Variants in CDC42 observed in about 807,000 individuals in gnomAD.
CDC42 encodes the protein cell division control protein 42 homolog.
In CDC42, 1 loss-of-function variant was observed where a neutral mutation model predicts 20.8. That is an observed-to-expected ratio of 0.05 (90% CI 0.02 to 0.23). The LOEUF (loss-of-function observed/expected upper bound fraction) is 0.23, where lower values mean the gene tolerates loss of function less well. Ranked by LOEUF, CDC42 falls within the 10% of genes least tolerant of loss-of-function variation. The pLI is 1.00. For missense variants in CDC42, 49 were observed against 227.9 expected (o/e 0.21, Z 5.05); for synonymous variants, 72 against 84.8 (o/e 0.85, Z 0.83).
chr1:22,076,649 T>A (rs1288982266), intron 1 of CDC42, among the ~76,000 whole-genome samples: 1 of 152,218 alleles, frequency 6.6e-6, no homozygotes, highest in African/African-American at 2.4e-5. Flanking sequence ...GAACAGTACA[T>A]AGCACTTAGT....
At chr1:22,090,506 G>A (rs1161013330) in intron 5 of CDC42, 4 of 986,996 alleles carry the variant, frequency 4.1e-6, no homozygotes, top group Non-Finnish European at 4.8e-6. Context: ...TTCTTTTCTG[G>A]TTTTCCTTTG....
rs1645741239 is a variant in CDC42, at chr1:22,094,294, A to ATTTTTTCTTTTTTT, written c.*2783_*2784insCTTTTTTTTTTTTT. On this transcript the variant is annotated 3_prime_UTR_variant, in exon 6 of 6. Coordinates refer to ENST00000656825, the MANE Select transcript of CDC42 (RefSeq NM_001791.4). ...GTTTTACTGAACATCCTAGAAATAG[A>ATTTTTTCTTTTTTT]TTTTTTTTTTTTTTTTTTTTTGAGA... Among the ~76,000 whole-genome samples the ATTTTTTCTTTTTTT allele has an allele frequency of 2.6e-5, 1 of 38,292 alleles. No individual in the cohort carries two copies. Among genetic ancestry groups the ATTTTTTCTTTTTTT allele is most frequent in the Non-Finnish European group, 4.2e-5 (1 of 23,610 alleles). 25.1% of individuals were successfully genotyped at this position (38,292 alleles called of 152,430 possible).
intron 5 of CDC42, chr1:22,090,553 C>T: frequency 6.1e-6 from 6 of 987,626 alleles, no homozygotes; most frequent in Non-Finnish European, 7.2e-6. Flanking sequence ...CTTTGGCTGT[C>T]TGTGCTGTAG....
At position 22,099,996 on chromosome 1, in the gene CDC42, G is replaced by C. The variant is rs1645779946; in HGVS notation, c.*8479G>C. Among the ~76,000 whole-genome samples the C allele has an allele frequency of 6.6e-6, 1 of 150,920 alleles. No homozygotes were observed. The highest frequency in any genetic ancestry group is 1.5e-5 in the Non-Finnish European group (1 of 67,790). ...GCAGTCTGTCTCTAGAGTCTGCTCA[G>C]CTGGCCTTTTTTTCTTTCTTCTTCT... On this transcript the variant is annotated 3_prime_UTR_variant, in exon 6 of 6. Transcript: ENST00000656825.
At position 22,098,608 on chromosome 1, in the gene CDC42, A is replaced by C. The variant is rs1458616550; in HGVS notation, c.*7091A>C. Among the ~76,000 whole-genome samples the C allele has an allele frequency of 1.3e-5, 2 of 152,222 alleles. No individual in the cohort carries two copies. Among genetic ancestry groups the C allele is most frequent in the East Asian group, 3.8e-4 (2 of 5,200 alleles). On this transcript the variant is annotated 3_prime_UTR_variant, in exon 6 of 6. Coordinates refer to ENST00000656825, the MANE Select transcript of CDC42 (RefSeq NM_001791.4). ...GGATCTGAGCACCATTTAAATTTTT[A>C]TAAATTATTTTTTAGAGGCATCACT...
chr1:22,098,989 G>A lies in CDC42; in HGVS notation c.*7472G>A, dbSNP rs1432202761. Among the ~76,000 whole-genome samples, 2 of 152,166 alleles carry A rather than the reference G, an allele frequency of 1.3e-5. No individual in the cohort carries two copies. Among genetic ancestry groups the A allele is most frequent in the Non-Finnish European group, 2.9e-5 (2 of 68,044 alleles). On this transcript the variant is annotated 3_prime_UTR_variant, in exon 6 of 6. Transcript: ENST00000656825. ...ACCCAGGCTGGTCTCGAACTCCTGA[G>A]CTGATCCTCCCACCTCGGCCTCCCA...
intron 1 of CDC42, chr1:22,068,900 A>G (rs1274646911): frequency 1.3e-5 from 2 of 152,194 alleles, no homozygotes; most frequent in Non-Finnish European, 1.5e-5. Flanking sequence ...AGAAAGTTAC[A>G]TGTAAGGATG....
In CDC42 at chr1:22,086,955, G is replaced by A. The variant is rs1169485196; in HGVS notation, c.486+89G>A. On this transcript the variant is annotated intron_variant, in intron 5 of 5. Transcript: ENST00000656825. ...CAGGAGTTATTTCTAACAGTGATCA[G>A]CAGTGCTCAAAGATGCCCAGCAAGA... The A allele has an allele frequency of 4.6e-6, 5 of 1,090,690 alleles. No homozygotes were observed. In the African/African-American group the frequency reaches 6.2e-5, roughly 14 times the overall value. The allele number at this position is 1,090,690 out of a possible 1,614,324, so 67.6% of individuals were successfully genotyped here. A position where few individuals can be genotyped will look rare whatever the true frequency, so the allele number is the denominator to read the frequency against.
At chr1:22,058,784 C>T (rs981176299) in intron 1 of CDC42, among the ~76,000 whole-genome samples, 1 of 152,086 alleles carries the variant, frequency 6.6e-6, no homozygotes, top group African/African-American at 2.4e-5. Flanking sequence ...CAGGCGTGAA[C>T]CACCGCACCC....
rs1041061998 is a variant in CDC42 at position 22,098,563 on chromosome 1, G to A, written c.*7046G>A. On this transcript the variant is annotated 3_prime_UTR_variant, in exon 6 of 6. Transcript: ENST00000656825. ...TTTAAAAAAGGAAAGCAGTGCTTAG[G>A]GCCATATTGTTTTGAAATAGGATCT... is the stretch of plus-strand genomic sequence containing the variant. Among the ~76,000 whole-genome samples the A allele has an allele frequency of 2.6e-5, 4 of 151,994 alleles. No homozygotes were observed. Among genetic ancestry groups the A allele is most frequent in the African/African-American group, 9.7e-5 (4 of 41,370 alleles).
rs16826593 is a variant in CDC42, at chr1:22,099,138, C to T, written c.*7621C>T. On this transcript the variant is annotated 3_prime_UTR_variant, in exon 6 of 6. Transcript: ENST00000656825. Reference sequence around the variant, plus strand: ...AGTGGCTGGGGGCCCTGCTTCACCACGGCATAGGGACGGGTGCAGTAGGAA... The same window carrying T: ...AGTGGCTGGGGGCCCTGCTTCACCATGGCATAGGGACGGGTGCAGTAGGAA... 2.3e-3 allele frequency among the ~76,000 whole-genome samples: 347 copies of T among 152,282 alleles called. 8 individuals carry two copies. In the East Asian group the frequency reaches 0.055, roughly 24 times the overall value.
In CDC42 at chr1:22,096,935, A is replaced by T. The variant is rs1336110223; in HGVS notation, c.*5418A>T. On this transcript the variant is annotated 3_prime_UTR_variant, in exon 6 of 6. Transcript: ENST00000656825. ...AGTGCACAACTTGGACAGTTCATACACAATGTTGTATTGAGATGATTGTTA... is the reference window on the plus strand; with the variant it reads ...AGTGCACAACTTGGACAGTTCATACTCAATGTTGTATTGAGATGATTGTTA... 6.6e-6 allele frequency among the ~76,000 whole-genome samples: 1 copy of T among 152,256 alleles called. No homozygotes were observed. Among genetic ancestry groups the T allele is most frequent in the Non-Finnish European group, 1.5e-5 (1 of 68,044 alleles).
intron 3 of CDC42, among the ~76,000 whole-genome samples, chr1:22,082,034 A>G (rs2056975): frequency 0.94 from 142,298 of 152,190 alleles, 66,569 homozygotes; most frequent in East Asian, 1. Context: ...GAGTGAGACT[A>G]GAGTGCATCA....
chr1:22,090,602 G>A lies in CDC42; in HGVS notation c.487-826G>A, dbSNP rs141852820. 48 of 985,648 alleles carry A rather than the reference G, an allele frequency of 4.9e-5. No individual in the cohort carries two copies. In the East Asian group the frequency reaches 4.8e-3, roughly 98 times the overall value. The allele number at this position is 985,648 out of a possible 1,614,324, so 61.1% of individuals were successfully genotyped here. ...AGTCTGGGGTGGGGAAGATATTGAT[G>A]TATCTGCTACTGCTTTATGAGTTCA... On this transcript the variant is annotated intron_variant, in intron 5 of 5. Transcript: ENST00000656825.
rs1404151427 is a variant in CDC42, at chr1:22,086,743, T to C, written c.363T>C (p.Asp121=). The change falls in exon 5 of 6, where the codon GAT becomes GAC. Residue 121 remains aspartate, a synonymous_variant. Coordinates refer to ENST00000656825, the MANE Select transcript of CDC42 (RefSeq NM_001791.4). Reference sequence around the variant, plus strand: ...TTGGGACTCAAATTGATCTCAGAGATGACCCCTCTACTATTGAGAAACTTG... The same window carrying C: ...TTGGGACTCAAATTGATCTCAGAGACGACCCCTCTACTATTGAGAAACTTG... ...LLVGTQIDLR[D]DPSTIEKLAK... is the part of the protein sequence containing the mutation. 1.9e-6 allele frequency: 3 copies of C among 1,614,108 alleles called. No homozygotes were observed.
intron 1 of CDC42, among the ~76,000 whole-genome samples, chr1:22,066,871 T>C (rs1045441451): frequency 1.3e-5 from 2 of 152,118 alleles, no homozygotes; most frequent in Non-Finnish European, 2.9e-5. Flanking sequence ...TGAGACCAGC[T>C]TGACCAACAT....
intron 1 of CDC42, among the ~76,000 whole-genome samples, chr1:22,057,863 A>C (rs1001893434): frequency 2.0e-5 from 3 of 151,324 alleles, no homozygotes; most frequent in Non-Finnish European, 4.4e-5. Flanking sequence ...AGCTGGGATT[A>C]CAGGTGTCCG....
chr1:22,065,323 G>T (rs1337055571), intron 1 of CDC42, among the ~76,000 whole-genome samples: 2 of 152,130 alleles, frequency 1.3e-5, no homozygotes, highest in Non-Finnish European at 2.9e-5. Flanking sequence ...GTAATATTTT[G>T]AATCTCTTGG....
chr1:22,068,081 C>T (rs556385144), intron 1 of CDC42, among the ~76,000 whole-genome samples: 7 of 151,216 alleles, frequency 4.6e-5, no homozygotes, highest in South Asian at 2.1e-4. Flanking sequence ...GACCCTGTCT[C>T]AAAAACAAAA....
Sources: allele counts gnomAD v4.1 joint callset (sites outside exome capture counted in the v4.1 genomes callset), GRCh38; gene constraint gnomAD v4.1.1; transcripts MANE v1.5; gene names NCBI Gene and HGNC (gene_info 2026-07-23, HGNC 2026-07-21).